The following NSD3 variants were observed in gnomAD, a reference collection of about 807,000 sequenced individuals.
The protein encoded by NSD3 is histone-lysine N-methyltransferase NSD3.
In NSD3, 24 loss-of-function variants were observed where a neutral mutation model predicts 160.8. The observed-to-expected ratio is 0.15, with a 90% CI of 0.11 to 0.21. NSD3 has a LOEUF of 0.21. Among genes scored for constraint, NSD3 ranks in the 10% least tolerant of loss-of-function variants. The pLI, the probability that NSD3 is intolerant of heterozygous loss-of-function variation, is 1.00. For missense variants in NSD3, 1,157 were observed against 1,735.9 expected (o/e 0.67, Z 5.93); for synonymous variants, 520 against 600.0 (o/e 0.87, Z 1.95).
chr8:38,364,731 T>C (rs533098689), intron 1 of NSD3, among the ~76,000 whole-genome samples: 2 of 152,338 alleles, frequency 1.3e-5, no homozygotes, highest in African/African-American at 2.4e-5. Context: ...AGAAAACTTG[T>C]AGTAATAAAG....
intron 14 of NSD3, among the ~76,000 whole-genome samples, chr8:38,300,075 C>T (rs888664624): frequency 6.6e-6 from 1 of 152,034 alleles, no homozygotes; most frequent in African/African-American, 2.4e-5. Flanking sequence ...TTCATATCTT[C>T]AGACATACTC....
At chr8:38,304,548 G>C in intron 14 of NSD3, 39 bp downstream of exon 14, 1 of 1,580,064 alleles carries the variant, frequency 6.3e-7, no homozygotes, top group Non-Finnish European at 8.6e-7. Context: ...ATATGCCAAT[G>C]ACCTCAAAAA....
intron 1 of NSD3, among the ~76,000 whole-genome samples, chr8:38,349,133 TTTAAC>T (rs1426112632): frequency 6.6e-6 from 1 of 152,220 alleles, no homozygotes; most frequent in Non-Finnish European, 1.5e-5. Flanking sequence ...GACTTGCTTA[TTTAAC>T]TTAACAATAT....
In NSD3 at chr8:38,289,382, TAA is replaced by T. The variant is rs1240651188; in HGVS notation, c.3231+9_3231+10del. On this transcript the variant is annotated intron_variant, in intron 18 of 23. Transcript: ENST00000317025. Reference sequence around the variant, plus strand: ...TTATTTGGCAATCCCAGGCCAGAGATAAAGACTTACTTTGATGTGTTTGTAGG... The same window carrying T: ...TTATTTGGCAATCCCAGGCCAGAGATAGACTTACTTTGATGTGTTTGTAGG... 6.2e-7 allele frequency: 1 copy of T among 1,603,494 alleles called. No individual in the cohort carries two copies. The highest frequency in any genetic ancestry group is 1.1e-5 in the South Asian group (1 of 88,824).
Position 38,318,762 on chromosome 8 carries a change from G to C in NSD3, c.1855+133C>G. On this transcript the variant is annotated intron_variant, in intron 9 of 23. Transcript: ENST00000317025. The surrounding 1 kb of genome is among the most constrained non-coding windows in gnomAD (Gnocchi z 5.3). ...AAGTCACACACACACACGAACACTG[G>C]GGAATACTGCAATTTCACACTGAAG... 1 of 789,554 alleles carries C rather than the reference G, an allele frequency of 1.3e-6. No homozygotes were observed. The allele number at this position is 789,554 out of a possible 1,614,324, so 48.9% of individuals were successfully genotyped here.
intron 1 of NSD3, among the ~76,000 whole-genome samples, chr8:38,353,197 C>G (rs557173316): frequency 6.6e-6 from 1 of 152,262 alleles, no homozygotes; most frequent in South Asian, 2.1e-4. Flanking sequence ...GCAAAAAAAC[C>G]GCAGTTCCAG....
At chr8:38,331,310 G>T in intron 5 of NSD3, 121 bp downstream of exon 5, 9 of 1,167,312 alleles carry the variant, frequency 7.7e-6, no homozygotes, top group Non-Finnish European at 1.0e-5. Flanking sequence ...GATTAAAACA[G>T]CTGAAAGGGG....
chr8:38,370,121 T>C (rs757955411), intron 1 of NSD3, among the ~76,000 whole-genome samples: 17 of 152,168 alleles, frequency 1.1e-4, no homozygotes, highest in Non-Finnish European at 2.1e-4. Context: ...AAAAATGTTT[T>C]GTTAAACGGC....
intron 1 of NSD3, among the ~76,000 whole-genome samples, chr8:38,356,412 A>T (rs1381098651): frequency 6.6e-6 from 1 of 152,210 alleles, no homozygotes; most frequent in Non-Finnish European, 1.5e-5. Flanking sequence ...AGTTGAAAAA[A>T]ACAAAAACAG....
chr8:38,285,090 A>G (rs1046639619), intron 19 of NSD3, among the ~76,000 whole-genome samples: 3 of 152,250 alleles, frequency 2.0e-5, no homozygotes, highest in African/African-American at 7.2e-5. Flanking sequence ...GTCCTGAAAG[A>G]CCGCAGCAAA....
At chr8:38,380,245 A>G (rs1811502240) in intron 1 of NSD3, among the ~76,000 whole-genome samples, 1 of 152,244 alleles carries the variant, frequency 6.6e-6, no homozygotes, top group Non-Finnish European at 1.5e-5. Context: ...CTCATCACCT[A>G]TAAGCAAGAG....
rs1808462863 is a variant in NSD3, at chr8:38,271,181, T to G, written c.*4460A>C. ...GCTATCTACTGTGAACACTCTCCCA[T>G]TTGCAGAACTTCACCTTTAATCCAC... On this transcript the variant is annotated 3_prime_UTR_variant, in exon 24 of 24. Transcript: ENST00000317025. The G allele has an allele frequency of 6.6e-6, 1 of 152,168 alleles. No individual in the cohort carries two copies. Among genetic ancestry groups the G allele is most frequent in the African/African-American group, 2.4e-5 (1 of 41,436 alleles). 9.4% of individuals were successfully genotyped at this position (152,168 alleles called of 1,614,324 possible).
At position 38,329,414 on chromosome 8, in the gene NSD3, A is replaced by G. The variant is rs1190394579; in HGVS notation, c.1545T>C (p.Asp515=). 1.2e-6 allele frequency: 2 copies of G among 1,611,980 alleles called. No homozygotes were observed. Among genetic ancestry groups the G allele is most frequent in the Non-Finnish European group, 1.7e-6 (2 of 1,178,506 alleles). The change falls in exon 6 of 24, where the codon GAT becomes GAC. Residue 515 remains aspartate (D), a synonymous_variant. Transcript: ENST00000317025. The surrounding 1 kb of genome is among the most constrained non-coding windows in gnomAD (Gnocchi z 4.8). ...QVFALQNATG[D]GKFIDQFVYS... Reference sequence around the variant, plus strand: ...AAACAAATTGATCGATAAATTTCCCATCCCCTGTAGCATTCTGAAGAGCAA... The same window carrying G: ...AAACAAATTGATCGATAAATTTCCCGTCCCCTGTAGCATTCTGAAGAGCAA...
At position 38,271,993 on chromosome 8, in the gene NSD3, G is replaced by A. The variant is rs887462534; in HGVS notation, c.*3648C>T. ...TGGCCTGTTTGCAAACAGTAGGTCT[G>A]GGTTTGACCTATTGGAATACACCAT... On this transcript the variant is annotated 3_prime_UTR_variant, in exon 24 of 24. Transcript: ENST00000317025. 2 of 152,196 alleles carry A rather than the reference G, an allele frequency of 1.3e-5. No individual in the cohort carries two copies. The highest frequency in any genetic ancestry group is 2.4e-5 in the African/African-American group (1 of 41,444). The allele number at this position is 152,196 out of a possible 1,614,324, so 9.4% of individuals were successfully genotyped here.
At chr8:38,372,043 T>C (rs755222227) in intron 1 of NSD3, among the ~76,000 whole-genome samples, 3 of 152,222 alleles carry the variant, frequency 2.0e-5, no homozygotes, top group Non-Finnish European at 4.4e-5. Context: ...GGGTCAAACA[T>C]AGATTGTCAT....
In NSD3 at chr8:38,318,975, A is replaced by ATTT; in HGVS notation, c.1810-38_1810-36dup. ...CAGAAAAATACAGCATTAACAAAGA[A>ATTT]TTTTTTTCCCTTTTAATTATTAACA... is the stretch of plus-strand genomic sequence containing the variant. On this transcript the variant is annotated intron_variant, in intron 8 of 23. Coordinates refer to ENST00000317025, the MANE Select transcript of NSD3 (RefSeq NM_023034.2). The surrounding 1 kb of genome is among the most constrained non-coding windows in gnomAD (Gnocchi z 5.3). 6.3e-7 allele frequency: 1 copy of ATTT among 1,576,054 alleles called. No homozygotes were observed. Among genetic ancestry groups the ATTT allele is most frequent in the Non-Finnish European group, 8.6e-7 (1 of 1,160,926 alleles).
In NSD3 at chr8:38,288,382, ACC is replaced by A. The variant is rs1182939891; in HGVS notation, c.3501+103_3501+104del. On this transcript the variant is annotated intron_variant, in intron 19 of 23. Transcript: ENST00000317025. This position sits in a 1 kb window ranked among gnomAD's most constrained non-coding sequence, Gnocchi z 4.5. ...TCAACATGGAAAGTTTTAACATTTT[ACC>A]ACAAATTCCTGCTGATTTTATCCCT... is the stretch of plus-strand genomic sequence containing the variant. 6.8e-7 allele frequency: 1 copy of A among 1,462,068 alleles called. No individual in the cohort carries two copies. The highest frequency in any genetic ancestry group is 1.4e-5 in the African/African-American group (1 of 70,576). 90.6% of individuals were successfully genotyped at this position (1,462,068 alleles called of 1,614,324 possible).
At chr8:38,351,846 G>A (rs1585915278) in intron 1 of NSD3, among the ~76,000 whole-genome samples, 2 of 150,126 alleles carry the variant, frequency 1.3e-5, no homozygotes. Context: ...ACAGGAAGGG[G>A]AACATCACAC....
At chr8:38,344,569 G>A (rs558029574) in intron 2 of NSD3, among the ~76,000 whole-genome samples, 17 of 152,072 alleles carry the variant, frequency 1.1e-4, no homozygotes, top group Non-Finnish European at 1.8e-4. Flanking sequence ...CACCATGCCC[G>A]GACTTAAACA....
Sources: gnomAD v4.1 joint callset for allele counts (sites outside exome capture counted in the v4.1 genomes callset) on GRCh38, gnomAD v4.1.1 for gene constraint, Gnocchi (gnomAD v3.1) non-coding constraint, MANE v1.5 for transcripts, NCBI Gene and HGNC (gene_info 2026-07-23, HGNC 2026-07-21) for gene names.